Variants in GALNT14 observed in about 807,000 individuals in gnomAD.
GALNT14 encodes UDP-GalNAc:polypeptide N-acetylgalactosaminyltransferase 14.
GALNT14 carries 60 observed loss-of-function variants against 77.5 expected under a neutral mutation model. The ratio of observed to expected loss-of-function variants is 0.77; its 90% CI spans 0.63 to 0.96. GALNT14 has a LOEUF of 0.96. Ranked by LOEUF, GALNT14 falls within the 40% of genes least tolerant of loss-of-function variation. The pLI, the probability that GALNT14 is intolerant of heterozygous loss-of-function variation, is 0.00. For missense variants in GALNT14, 710 were observed against 731.0 expected, an observed-to-expected ratio of 0.97 and a Z score of 0.33; for synonymous variants, 280 against 281.7, an observed-to-expected ratio of 0.99 and a Z score of 0.06.
intron 2 of GALNT14, among the ~76,000 whole-genome samples, chr2:30,991,673 C>A (rs1669713307): frequency 6.6e-6 from 1 of 152,158 alleles, no homozygotes; most frequent in African/African-American, 2.4e-5. Flanking sequence ...TTGCTATATT[C>A]ATAGGGAAAC....
At chr2:31,073,492 G>C (rs1675555886) in intron 1 of GALNT14, among the ~76,000 whole-genome samples, 1 of 151,998 alleles carries the variant, frequency 6.6e-6, no homozygotes, top group Non-Finnish European at 1.5e-5. Flanking sequence ...AAGAGGGGGG[G>C]GGAACAGCAT....
intron 13 of GALNT14, among the ~76,000 whole-genome samples, chr2:30,914,057 GGCT>G (rs1430080038): frequency 1.3e-5 from 2 of 152,152 alleles, no homozygotes; most frequent in Admixed American, 6.6e-5. Flanking sequence ...GCAATGACCA[GGCT>G]GCTGCTGCTG....
At chr2:31,036,405 T>C (rs1287804587) in intron 1 of GALNT14, among the ~76,000 whole-genome samples, 2 of 152,206 alleles carry the variant, frequency 1.3e-5, no homozygotes, top group Non-Finnish European at 2.9e-5. Context: ...TCCTCATACC[T>C]CTTTTCCCTC....
At chr2:31,092,368 A>G (rs965377943) in intron 1 of GALNT14, among the ~76,000 whole-genome samples, 4 of 151,640 alleles carry the variant, frequency 2.6e-5, no homozygotes, top group Non-Finnish European at 4.4e-5. Context: ...TGAGGGTCCC[A>G]CCCTCATGAC....
chr2:31,028,799 C>A (rs1672231451), intron 1 of GALNT14, among the ~76,000 whole-genome samples: 1 of 152,078 alleles, frequency 6.6e-6, no homozygotes, highest in African/African-American at 2.4e-5. Context: ...AATTCTCCAA[C>A]TCAGCCAAGG....
intron 9 of GALNT14, among the ~76,000 whole-genome samples, chr2:30,933,293 T>A (rs887165178): frequency 3.3e-5 from 5 of 152,114 alleles, no homozygotes; most frequent in Non-Finnish European, 5.9e-5. Flanking sequence ...CAGCTCCTCA[T>A]GTGTAGGTAT....
At chr2:30,910,081 G>T (rs1002231754), downstream of GALNT14, among the ~76,000 whole-genome samples, 1 of 113,242 alleles carries the variant, frequency 8.8e-6, no homozygotes, top group Non-Finnish European at 1.7e-5. Context: ...GAGGGGGGAG[G>T]GATAGCAGTG....
At chr2:31,028,185 T>C (rs1426357104) in intron 1 of GALNT14, among the ~76,000 whole-genome samples, 1 of 152,204 alleles carries the variant, frequency 6.6e-6, no homozygotes, top group Non-Finnish European at 1.5e-5. Context: ...CCCACATAGT[T>C]GCTCAGGTGA....
chr2:31,118,918 C>T (rs544111053), intron 1 of GALNT14, among the ~76,000 whole-genome samples: 1 of 152,066 alleles, frequency 6.6e-6, no homozygotes, highest in Admixed American at 6.5e-5. Context: ...GAACTAGAAC[C>T]CAATATTTAT....
chr2:31,018,432 A>G (rs576067785), intron 1 of GALNT14, among the ~76,000 whole-genome samples: 1 of 152,320 alleles, frequency 6.6e-6, no homozygotes, highest in South Asian at 2.1e-4. Context: ...CATGTCTTAC[A>G]TGGCAGCAGG....
chr2:30,910,158 T>C (rs13405711), downstream of GALNT14, among the ~76,000 whole-genome samples: 44,878 of 151,014 alleles, frequency 0.3, 6,718 homozygotes, highest in South Asian at 0.37. Flanking sequence ...CATGTATACA[T>C]ATGTAACTAA....
chr2:30,907,416 A>C (rs560724951), downstream of GALNT14, among the ~76,000 whole-genome samples: 3 of 152,370 alleles, frequency 2.0e-5, no homozygotes, highest in South Asian at 6.2e-4. Flanking sequence ...CTACCATCAG[A>C]GAATACTACA....
intron 1 of GALNT14, among the ~76,000 whole-genome samples, chr2:31,092,807 G>A (rs1676819705): frequency 6.6e-6 from 1 of 152,174 alleles, no homozygotes; most frequent in South Asian, 2.1e-4. Context: ...TGACCATTGG[G>A]TCACTAACAT....
At chr2:31,105,656 C>G (rs1274968501) in intron 1 of GALNT14, among the ~76,000 whole-genome samples, 1 of 151,704 alleles carries the variant, frequency 6.6e-6, no homozygotes, top group African/African-American at 2.4e-5. Context: ...AACCTGGAGG[C>G]AGAGGTTACA....
chr2:31,052,489 G>A (rs1000583635), intron 1 of GALNT14, among the ~76,000 whole-genome samples: 3 of 152,194 alleles, frequency 2.0e-5, no homozygotes, highest in African/African-American at 7.2e-5. Flanking sequence ...AAAGAGCAGC[G>A]GCCTGCTCCC....
chr2:30,928,216 C>T (rs1175032226), intron 11 of GALNT14, among the ~76,000 whole-genome samples: 2 of 152,118 alleles, frequency 1.3e-5, no homozygotes, highest in Non-Finnish European at 2.9e-5. Flanking sequence ...ATTTAATCCT[C>T]CCACTCAGTG....
intron 2 of GALNT14, among the ~76,000 whole-genome samples, chr2:30,975,206 G>A (rs1273937921): frequency 2.0e-5 from 3 of 152,220 alleles, no homozygotes; most frequent in African/African-American, 7.2e-5. Context: ...TGTCTGTTAT[G>A]CTGGAAATAC....
At chr2:30,948,379 G>A (rs1666828611) in intron 6 of GALNT14, among the ~76,000 whole-genome samples, 1 of 152,170 alleles carries the variant, frequency 6.6e-6, no homozygotes, top group African/African-American at 2.4e-5. Context: ...GTTTACCTGG[G>A]GCTGTGGGCT....
intron 9 of GALNT14, among the ~76,000 whole-genome samples, chr2:30,933,156 A>C (rs115516040): frequency 0.074 from 11,229 of 152,226 alleles, 664 homozygotes; most frequent in East Asian, 0.3. Context: ...GGTGACATTC[A>C]AAAGCAGAAT....
Sources: gnomAD v4.1 joint callset for allele counts (sites outside exome capture counted in the v4.1 genomes callset) on GRCh38, gnomAD v4.1.1 for gene constraint, MANE v1.5 for transcripts, NCBI Gene and HGNC (gene_info 2026-07-23, HGNC 2026-07-21) for gene names.